Variants in HSD17B4 observed in about 807,000 individuals in gnomAD.
HSD17B4 encodes hydroxysteroid 17-beta dehydrogenase 4.
A neutral mutation model predicts 101.0 loss-of-function variants in HSD17B4; 70 were observed. The ratio of observed to expected loss-of-function variants is 0.69; its 90% CI spans 0.57 to 0.85. HSD17B4 has a LOEUF of 0.85. HSD17B4 is among the 40% of genes least tolerant of loss of function. HSD17B4 has a pLI of 0.00. For synonymous variants in HSD17B4, 347 were observed against 297.1 expected (o/e 1.17, Z -1.73); for missense variants, 984 against 892.4 (o/e 1.10, Z -1.31).
chr5:119,516,949 C>T (rs1317885698), intron 17 of HSD17B4, among the ~76,000 whole-genome samples: 1 of 152,250 alleles, frequency 6.6e-6, no homozygotes, highest in Middle Eastern at 3.2e-3. Flanking sequence ...GCTGGCAGTC[C>T]TCACAGCCCT....
chr5:119,533,840 G>C (rs1242435183), intron 22 of HSD17B4, among the ~76,000 whole-genome samples: 1 of 152,078 alleles, frequency 6.6e-6, no homozygotes, highest in Non-Finnish European at 1.5e-5. Context: ...TGGTCCTGCT[G>C]TTCCTGTTCA....
In HSD17B4 at chr5:119,499,409, C is replaced by G; in HGVS notation, c.1065C>G (p.Ile355Met). Reference sequence around the variant, plus strand: ...ATGCCCTTGGAGTGGGAGCGTCAATCAAGGATCCAAAAGATTTGAAATTTA... The same window carrying G: ...ATGCCCTTGGAGTGGGAGCGTCAATGAAGGATCCAAAAGATTTGAAATTTA... ...IMYALGVGAS[I>M]KDPKDLKFIY... is the part of the protein sequence containing the mutation. Residue 355 changes from isoleucine (I) to methionine (M), a missense_variant, in exon 13 of 24, where the codon ATC (isoleucine) becomes ATG (methionine). Transcript: ENST00000510025. 6.2e-7 allele frequency: 1 copy of G among 1,613,568 alleles called. No homozygotes were observed. The highest frequency in any genetic ancestry group is 1.3e-5 in the African/African-American group (1 of 75,028).
chr5:119,525,886 GTA>G, intron 18 of HSD17B4, 29 bp from the exon 19 acceptor site: 2 of 1,248,670 alleles, frequency 1.6e-6, no homozygotes. Context: ...AAAGGTACCT[GTA>G]TCTAACTCAG....
In HSD17B4 at chr5:119,531,327, G is replaced by A. The variant is rs143853923; in HGVS notation, c.1916G>A (p.Gly639Glu). Residue 639 changes from glycine to glutamate, a missense_variant, in exon 22 of 24, where the codon GGG becomes GAG. Transcript: ENST00000510025. ...ATAGGACGCCGCCTAAAGGATATTG[G>A]GCCTGAGGTGGTGAAGAAAGTAAAT... Reference protein sequence around the residue: ...EEIGRRLKDIGPEVVKKVNAV... With the variant: ...EEIGRRLKDIEPEVVKKVNAV... The A allele has an allele frequency of 6.2e-7, 1 of 1,613,348 alleles. No individual in the cohort carries two copies. The highest frequency in any genetic ancestry group is 1.3e-5 in the African/African-American group (1 of 74,820).
intron 2 of HSD17B4, among the ~76,000 whole-genome samples, chr5:119,460,185 ATC>A (rs1247166756): frequency 3.3e-5 from 5 of 152,142 alleles, no homozygotes; most frequent in Admixed American, 6.5e-5. Context: ...AAGGCCCCAC[ATC>A]TCTATACTGT....
rs1458295996 is a variant in HSD17B4, at chr5:119,452,636, G to T, written c.58+3G>T. 4 of 1,613,874 alleles carry T rather than the reference G, an allele frequency of 2.5e-6. No individual in the cohort carries two copies. The highest frequency in any genetic ancestry group is 3.4e-6 in the Non-Finnish European group (4 of 1,179,962). On this transcript the variant is annotated splice_donor_region_variant and intron_variant, in intron 1 of 23. Transcript: ENST00000510025. ...ACTGGTCACCGGCGCGGGGGCAGGT[G>T]AGCATGCGAAGGTTGGAGGCCGCGC...
chr5:119,519,172 A>G (rs1486512418), intron 17 of HSD17B4, among the ~76,000 whole-genome samples: 1 of 152,154 alleles, frequency 6.6e-6, no homozygotes, highest in Non-Finnish European at 1.5e-5. Context: ...GAGTATGACA[A>G]TACAAGTGTA....
At chr5:119,509,976 C>T (rs367698241) in intron 16 of HSD17B4, among the ~76,000 whole-genome samples, 8 of 152,088 alleles carry the variant, frequency 5.3e-5, no homozygotes, top group South Asian at 2.1e-4. Context: ...AAAAGTTATA[C>T]GTGAATTTTT....
chr5:119,538,006 G>C (rs1275404165), intron 23 of HSD17B4, among the ~76,000 whole-genome samples: 4 of 152,088 alleles, frequency 2.6e-5, no homozygotes, highest in Admixed American at 1.3e-4. Context: ...CTAATACAAA[G>C]GCCTGCCGTG....
chr5:119,515,947 A>G (rs1752577491), intron 17 of HSD17B4, among the ~76,000 whole-genome samples: 1 of 152,210 alleles, frequency 6.6e-6, no homozygotes, highest in Non-Finnish European at 1.5e-5. Context: ...AATAATATGC[A>G]CAACAAACCC....
chr5:119,466,990 G>A (rs1156408072), intron 2 of HSD17B4, among the ~76,000 whole-genome samples: 1 of 151,966 alleles, frequency 6.6e-6, no homozygotes, highest in Non-Finnish European at 1.5e-5. Flanking sequence ...ATTTTCATTT[G>A]TTTCAAGAAA....
intron 20 of HSD17B4, among the ~76,000 whole-genome samples, chr5:119,528,769 T>C (rs544431458): frequency 2.0e-4 from 30 of 152,310 alleles, no homozygotes; most frequent in Non-Finnish European, 3.2e-4. Flanking sequence ...AAATATAATG[T>C]ATTCTTGCCA....
In HSD17B4 at chr5:119,492,135, C is replaced by G; in HGVS notation, c.739+11C>G. On this transcript the variant is annotated intron_variant, in intron 10 of 23. Coordinates refer to ENST00000510025, the MANE Select transcript of HSD17B4 (RefSeq NM_000414.4). Reference sequence around the variant, plus strand: ...GATGGATTGGAAAATGTAAGTCTCTCTCAGTTTTTGGTTTGTATAGATTAT... The same window carrying G: ...GATGGATTGGAAAATGTAAGTCTCTGTCAGTTTTTGGTTTGTATAGATTAT... 2 of 1,603,496 alleles carry G rather than the reference C, an allele frequency of 1.2e-6. No individual in the cohort carries two copies. Among genetic ancestry groups the G allele is most frequent in the Non-Finnish European group, 1.7e-6 (2 of 1,170,710 alleles).
chr5:119,456,926 G>T (rs1283195479), intron 2 of HSD17B4, among the ~76,000 whole-genome samples: 3 of 152,194 alleles, frequency 2.0e-5, no homozygotes, highest in Non-Finnish European at 2.9e-5. Flanking sequence ...AGAACTGGAA[G>T]TTTGGAGTCA....
rs148721407 is a variant in HSD17B4 at position 119,498,475 on chromosome 5, T to C, written c.973-842T>C. On this transcript the variant is annotated intron_variant, in intron 12 of 23. Coordinates refer to ENST00000510025, the MANE Select transcript of HSD17B4 (RefSeq NM_000414.4). ...AAAAATTGGACATTATTCTTTTATA[T>C]GTACTTCACTTATTAGCTACGCATA... Among the ~76,000 whole-genome samples the C allele has an allele frequency of 1.7e-3, 266 of 152,362 alleles. 5 individuals are homozygous for C. In the South Asian group the frequency reaches 0.048, roughly 28 times the overall value.
chr5:119,542,070 A>T lies in HSD17B4; in HGVS notation c.*76A>T. On this transcript the variant is annotated 3_prime_UTR_variant, in exon 24 of 24. Transcript: ENST00000510025. ...CCCAAATATGCTTGATTATTCTGCA[A>T]AAGTGATTAGAACTAAGATGCAGGG... 1.0e-6 allele frequency: 1 copy of T among 984,980 alleles called. No individual in the cohort carries two copies. Among genetic ancestry groups the T allele is most frequent in the Non-Finnish European group, 1.6e-6 (1 of 617,618 alleles). 61.0% of individuals were successfully genotyped at this position (984,980 alleles called of 1,614,324 possible).
chr5:119,474,016 G>T lies in HSD17B4; in HGVS notation c.220+1G>T, dbSNP rs1468665136. 6.7e-7 allele frequency: 1 copy of T among 1,489,566 alleles called. No individual in the cohort carries two copies. Among genetic ancestry groups the T allele is most frequent in the African/African-American group, 1.4e-5 (1 of 72,426 alleles). The allele number at this position is 1,489,566 out of a possible 1,614,324, so 92.3% of individuals were successfully genotyped here. ...GGTGGAAAAGCAGTGGCCAACTATGGTATGGTATTTGAGAGAACTATACTA... is the reference window on the plus strand; with the variant it reads ...GGTGGAAAAGCAGTGGCCAACTATGTTATGGTATTTGAGAGAACTATACTA... On this transcript the variant is annotated splice_donor_variant, in intron 3 of 23. Transcript: ENST00000510025. LOFTEE classifies it high-confidence loss of function.
intron 23 of HSD17B4, among the ~76,000 whole-genome samples, chr5:119,538,272 A>T (rs1291796947): frequency 6.6e-6 from 1 of 151,910 alleles, no homozygotes; most frequent in Admixed American, 6.6e-5. Context: ...TTCCTTCCTT[A>T]CTTCTGTCTG....
At chr5:119,505,566 T>C (rs1393886732) in intron 14 of HSD17B4, among the ~76,000 whole-genome samples, 1 of 152,196 alleles carries the variant, frequency 6.6e-6, no homozygotes, top group Non-Finnish European at 1.5e-5. Context: ...TGTATGGAAA[T>C]GCTACTCTTT....
Sources: gnomAD v4.1 joint callset for allele counts (sites outside exome capture counted in the v4.1 genomes callset) on GRCh38, gnomAD v4.1.1 for gene constraint, MANE v1.5 for transcripts, NCBI Gene and HGNC (gene_info 2026-07-23, HGNC 2026-07-21) for gene names.